The following CLEC17A variants were observed in gnomAD, a reference collection of about 807,000 sequenced individuals.
CLEC17A encodes C-type lectin domain containing 17A.
In CLEC17A, 37 loss-of-function variants were observed where a neutral mutation model predicts 61.3. The ratio of observed to expected loss-of-function variants is 0.60; its 90% confidence interval spans 0.46 to 0.79. CLEC17A has a LOEUF of 0.79. Ranked by LOEUF, CLEC17A falls within the 30% of genes least tolerant of loss-of-function variation. The pLI is 0.00. For synonymous variants in CLEC17A, 168 were observed against 164.9 expected, an observed-to-expected ratio of 1.02 and a Z score of -0.14; for missense variants, 418 against 464.7, an observed-to-expected ratio of 0.90 and a Z score of 0.92.
chr19:14,598,666 G>T (rs2074620100), intron 10 of CLEC17A, among the ~76,000 whole-genome samples: 1 of 151,992 alleles, frequency 6.6e-6, no homozygotes. Flanking sequence ...GTAGAGATGG[G>T]GTTTCACCCT....
chr19:14,605,968 A>G (rs2146746998), intron 12 of CLEC17A, among the ~76,000 whole-genome samples: 1 of 152,156 alleles, frequency 6.6e-6, no homozygotes, highest in South Asian at 2.1e-4. Context: ...TCGAACTCCT[A>G]GTCTCAAGCG....
chr19:14,602,386 C>T (rs1044206005), intron 12 of CLEC17A, among the ~76,000 whole-genome samples: 6 of 152,034 alleles, frequency 3.9e-5, no homozygotes, highest in African/African-American at 1.4e-4. Flanking sequence ...GCCTCCTGGG[C>T]TCAAGTGATT....
At chr19:14,586,715 T>C (rs1288952929) in intron 2 of CLEC17A, among the ~76,000 whole-genome samples, 1 of 151,628 alleles carries the variant, frequency 6.6e-6, no homozygotes, top group African/African-American at 2.4e-5. Context: ...GCATGAGCCA[T>C]TGCGCCCAGC....
chr19:14,582,748 C>T (rs1410552818), upstream of CLEC17A, among the ~76,000 whole-genome samples: 6 of 152,078 alleles, frequency 3.9e-5, no homozygotes, highest in South Asian at 8.3e-4. Flanking sequence ...GCTGGGATTA[C>T]AGGCGCCTGC....
At chr19:14,586,369 C>T (rs563141616) in intron 2 of CLEC17A, among the ~76,000 whole-genome samples, 21 of 152,242 alleles carry the variant, frequency 1.4e-4, no homozygotes, top group African/African-American at 4.3e-4. Context: ...GGTGATCTGC[C>T]TGCCTTGGCC....
upstream of CLEC17A, among the ~76,000 whole-genome samples, chr19:14,581,553 A>C (rs2074182694): frequency 6.6e-6 from 1 of 152,038 alleles, no homozygotes; most frequent in Non-Finnish European, 1.5e-5. Context: ...GCTGGTCTCG[A>C]ATGCCTGACC....
At chr19:14,598,392 CCTTCT>C (rs1378189599) in intron 10 of CLEC17A, among the ~76,000 whole-genome samples, 3 of 147,232 alleles carry the variant, frequency 2.0e-5, no homozygotes, top group Non-Finnish European at 4.5e-5. Flanking sequence ...CCTTCCCTTC[CCTTCT>C]CCTTCCTTCC....
upstream of CLEC17A, among the ~76,000 whole-genome samples, chr19:14,582,135 C>T (rs770274638): frequency 1.3e-5 from 2 of 152,150 alleles, no homozygotes; most frequent in Non-Finnish European, 2.9e-5. Context: ...TCAAAGCCAG[C>T]ATAACTTTAG....
chr19:14,600,003 T>A (rs1394911170), intron 11 of CLEC17A, 28 bp from the exon 12 acceptor site: 47 of 1,611,154 alleles, frequency 2.9e-5, no homozygotes, highest in Non-Finnish European at 3.8e-5. Context: ...TCTGGGGCCA[T>A]CCTGACAGCA....
Position 14,610,501 on chromosome 19 carries a change from T to TCA in CLEC17A, c.*305_*306insCA, listed in dbSNP as rs1324110736. The TCA allele has an allele frequency of 3.0e-6, 1 of 328,772 alleles. No homozygotes were observed. Among genetic ancestry groups the TCA allele is most frequent in the African/African-American group, 2.1e-5 (1 of 47,370 alleles). 20.4% of individuals were successfully genotyped at this position (328,772 alleles called of 1,614,324 possible). The stretch of plus-strand genomic sequence containing the variant: ...CCTGATCATGACTCTTGGGAAGTGA[T>TCA]ACTAGCCCTGAGGACCCTGGGGCTG... On this transcript the variant is annotated 3_prime_UTR_variant, in exon 14 of 14. Coordinates refer to ENST00000417570, the MANE Select transcript of CLEC17A (RefSeq NM_001204118.2).
intron 3 of CLEC17A, among the ~76,000 whole-genome samples, chr19:14,591,314 C>G (rs1211852678): frequency 6.6e-6 from 1 of 151,628 alleles, no homozygotes; most frequent in Non-Finnish European, 1.5e-5. Flanking sequence ...GCCACCACGC[C>G]TGGCTAATTT....
chr19:14,592,237 G>A (rs548017521), intron 3 of CLEC17A, 44 bp from the exon 4 acceptor site: 2 of 1,532,188 alleles, frequency 1.3e-6, no homozygotes, highest in African/African-American at 2.7e-5. Flanking sequence ...AGGGATGGAG[G>A]GAGGAGGGAA....
At chr19:14,593,792 C>T (rs1290066709) in intron 4 of CLEC17A, among the ~76,000 whole-genome samples, 1 of 151,570 alleles carries the variant, frequency 6.6e-6, no homozygotes, top group Non-Finnish European at 1.5e-5. Flanking sequence ...AACCCCGTCT[C>T]TATTAAAAAA....
intron 13 of CLEC17A, among the ~76,000 whole-genome samples, chr19:14,608,352 A>G (rs1239247204): frequency 2.0e-5 from 3 of 152,144 alleles, no homozygotes; most frequent in African/African-American, 7.2e-5. Context: ...CACAGGTAGC[A>G]TTGCTCATTA....
At chr19:14,608,015 C>T (rs2074945816) in intron 13 of CLEC17A, among the ~76,000 whole-genome samples, 2 of 151,994 alleles carry the variant, frequency 1.3e-5, no homozygotes, top group South Asian at 4.2e-4. Context: ...GGACCACAGT[C>T]ACACACCACC....
rs938356806 is a variant in CLEC17A, at chr19:14,597,280, G to A, written c.646+119G>A. 20 of 900,406 alleles carry A rather than the reference G, an allele frequency of 2.2e-5. No individual in the cohort carries two copies. The Admixed American group carries it at 4.2e-4, about 19-fold the overall frequency. 55.8% of individuals were successfully genotyped at this position (900,406 alleles called of 1,614,324 possible). A position where few individuals can be genotyped will look rare whatever the true frequency, so the allele number is the denominator to read the frequency against. ...TGCTGGGCACTGTGCTAGGTACCAG[G>A]GGGTTAAAATGGTAAACATGTCAGA... On this transcript the variant is annotated intron_variant, in intron 10 of 13. Transcript: ENST00000417570.
At chr19:14,595,434 C>A in intron 8 of CLEC17A, 119 bp downstream of exon 8, 1 of 1,078,198 alleles carries the variant, frequency 9.3e-7, no homozygotes, top group Non-Finnish European at 1.4e-6. Context: ...TCCTTCAGGA[C>A]CTGCTGCACT....
At chr19:14,599,135 T>C (rs1169237648) in intron 10 of CLEC17A, among the ~76,000 whole-genome samples, 1 of 132,300 alleles carries the variant, frequency 7.6e-6, no homozygotes, top group Non-Finnish European at 1.5e-5. Context: ...TTGCCCAGGC[T>C]GGAGCACAGT....
intron 13 of CLEC17A, 97 bp downstream of exon 13, chr19:14,607,199 G>T: frequency 2.2e-6 from 1 of 452,460 alleles, no homozygotes; most frequent in Non-Finnish European, 3.5e-6. Context: ...GAAGGAGTCA[G>T]GAGCTGTTTC....
Sources: allele counts gnomAD v4.1 joint callset (sites outside exome capture counted in the v4.1 genomes callset), GRCh38; gene constraint gnomAD v4.1.1; transcripts MANE v1.5; gene names NCBI Gene and HGNC (gene_info 2026-07-23, HGNC 2026-07-21).